The following ROBO2 variants were observed in gnomAD, a reference collection of about 807,000 sequenced individuals.
ROBO2 encodes roundabout homolog 2.
In ROBO2, 53 loss-of-function variants were observed where a neutral mutation model predicts 160.8. The ratio of observed to expected loss-of-function variants is 0.33; its 90% CI spans 0.26 to 0.41. ROBO2 has a LOEUF of 0.41. Among genes scored for constraint, ROBO2 ranks in the 10% least tolerant of loss-of-function variants. The pLI is 1.00. For missense variants in ROBO2, 1,577 were observed against 1,722.4 expected (o/e 0.92, Z 1.49); for synonymous variants, 664 against 611.7 (o/e 1.09, Z -1.26).
At chr3:76,489,580 G>GCATA (rs1457059807) in intron 2 of ROBO2, among the ~76,000 whole-genome samples, 2 of 152,240 alleles carry the variant, frequency 1.3e-5, no homozygotes, top group African/African-American at 4.8e-5. Context: ...ATCAGCAAAT[G>GCATA]CATAGTCTCA....
rs17014141 is a variant in ROBO2 at position 76,421,866 on chromosome 3, A to G, written c.109+484264A>G. ...CCACGAAAGTCACATTTAGTCCCCA[A>G]TTTTTACATTTGGCTGTGTATAAAA... On this transcript the variant is annotated intron_variant, in intron 2 of 26. Coordinates refer to the ROBO2 transcript ENST00000487694. 7.9e-3 allele frequency among the ~76,000 whole-genome samples: 1,207 copies of G among 152,272 alleles called. 12 individuals carry two copies. The highest frequency in any genetic ancestry group is 0.027 in the African/African-American group (1,116 of 41,552).
At chr3:76,933,010 A>G (rs1271796753) in intron 2 of ROBO2, among the ~76,000 whole-genome samples, 1 of 152,082 alleles carries the variant, frequency 6.6e-6, no homozygotes, top group East Asian at 1.9e-4. Context: ...TAGGATGAGG[A>G]TATTCTTTTT....
intron 2 of ROBO2, among the ~76,000 whole-genome samples, chr3:77,247,134 C>T (rs1248688409): frequency 6.6e-6 from 1 of 152,200 alleles, no homozygotes; most frequent in Non-Finnish European, 1.5e-5. Context: ...TCTGTACAGA[C>T]TGAATTCTTT....
intron 2 of ROBO2, among the ~76,000 whole-genome samples, chr3:76,622,189 A>T (rs1652772633): frequency 6.5e-5 from 3 of 45,882 alleles, no homozygotes; most frequent in Non-Finnish European, 1.3e-4. Context: ...ACTAAAAAAA[A>T]GAAAGGAAGG....
chr3:76,762,608 A>G (rs1401182990), intron 2 of ROBO2, among the ~76,000 whole-genome samples: 1 of 151,684 alleles, frequency 6.6e-6, no homozygotes, highest in Non-Finnish European at 1.5e-5. Flanking sequence ...GAGGTTCATG[A>G]CAGAGGAACA....
intron 2 of ROBO2, among the ~76,000 whole-genome samples, chr3:76,278,506 A>G (rs2107660116): frequency 6.6e-6 from 1 of 152,160 alleles, no homozygotes; most frequent in South Asian, 2.1e-4. Context: ...TCTTATACTG[A>G]GTTTCATCTC....
At chr3:76,181,480 T>C (rs1474828597) in intron 2 of ROBO2, among the ~76,000 whole-genome samples, 2 of 152,152 alleles carry the variant, frequency 1.3e-5, no homozygotes, top group African/African-American at 4.8e-5. Flanking sequence ...TCTAACTCCC[T>C]ACTGACTTCC....
chr3:77,183,170 A>T (rs2080953816), intron 2 of ROBO2, among the ~76,000 whole-genome samples: 1 of 152,076 alleles, frequency 6.6e-6, no homozygotes, highest in Non-Finnish European at 1.5e-5. Context: ...TATTTGTTCT[A>T]GCCTCCAAAG....
At chr3:75,961,968 CTT>C (rs374059829) in intron 2 of ROBO2, among the ~76,000 whole-genome samples, 1 of 150,842 alleles carries the variant, frequency 6.6e-6, no homozygotes, top group African/African-American at 2.4e-5. Context: ...CTTGCTCTGA[CTT>C]ATATTCCTTT....
At chr3:77,617,025 T>C (rs970519616) in intron 21 of ROBO2, among the ~76,000 whole-genome samples, 13 of 152,202 alleles carry the variant, frequency 8.5e-5, no homozygotes, top group African/African-American at 3.1e-4. Context: ...ATTTATATGA[T>C]AGTCTTAATG....
At chr3:76,761,741 A>G (rs1317970025) in intron 2 of ROBO2, among the ~76,000 whole-genome samples, 1 of 151,734 alleles carries the variant, frequency 6.6e-6, no homozygotes, top group Non-Finnish European at 1.5e-5. Context: ...TGCAATAAAT[A>G]GTCAACATGT....
chr3:76,683,703 T>A (rs1026931808), intron 2 of ROBO2, among the ~76,000 whole-genome samples: 3 of 152,064 alleles, frequency 2.0e-5, no homozygotes, highest in African/African-American at 4.8e-5. Flanking sequence ...AACAAAAAAA[T>A]TCAATTTAAG....
intron 2 of ROBO2, among the ~76,000 whole-genome samples, chr3:76,085,570 G>A (rs934074194): frequency 3.9e-5 from 6 of 152,210 alleles, no homozygotes; most frequent in African/African-American, 1.4e-4. Context: ...CAAGTTAAAA[G>A]CTTATCAAAT....
chr3:76,349,789 T>A (rs1249901616), intron 2 of ROBO2, among the ~76,000 whole-genome samples: 2 of 151,966 alleles, frequency 1.3e-5, no homozygotes, highest in Non-Finnish European at 2.9e-5. Context: ...GTGTCAGTGT[T>A]TTTGGGCCCC....
At chr3:76,731,322 C>G (rs2093634313) in intron 2 of ROBO2, among the ~76,000 whole-genome samples, 1 of 152,108 alleles carries the variant, frequency 6.6e-6, no homozygotes, top group Non-Finnish European at 1.5e-5. Flanking sequence ...ACGTAAATGC[C>G]AAGGGAAGAC....
intron 7 of ROBO2, 32 bp from the exon 9 acceptor site, chr3:77,550,786 G>T: frequency 6.2e-7 from 1 of 1,610,996 alleles, no homozygotes; most frequent in Non-Finnish European, 8.5e-7. Flanking sequence ...AGTGGAAAAT[G>T]AATATTGATG....
At chr3:76,787,702 C>A (rs757783458) in intron 2 of ROBO2, among the ~76,000 whole-genome samples, 4 of 151,198 alleles carry the variant, frequency 2.6e-5, no homozygotes, top group African/African-American at 7.3e-5. Context: ...CAGCCATTAG[C>A]GATCAAGCTA....
chr3:77,150,116 GAACTCTAATGTTCTTTTAA>G (rs2077431009), intron 2 of ROBO2, among the ~76,000 whole-genome samples: 1 of 152,036 alleles, frequency 6.6e-6, no homozygotes, highest in Non-Finnish European at 1.5e-5. Flanking sequence ...TCTAAATAGG[GAACTCTAATGTTCTTTTAA>G]AATGAAGAAT....
chr3:76,970,258 T>G (rs1288375459), intron 2 of ROBO2, among the ~76,000 whole-genome samples: 1 of 152,190 alleles, frequency 6.6e-6, no homozygotes, highest in African/African-American at 2.4e-5. Flanking sequence ...AGGGCCTACC[T>G]CTACCATTTC....
Sources: allele counts gnomAD v4.1 joint callset (sites outside exome capture counted in the v4.1 genomes callset), GRCh38; gene constraint gnomAD v4.1.1; transcripts MANE v1.5; gene names NCBI Gene and HGNC (gene_info 2026-07-23, HGNC 2026-07-21).